Variants in SCFD2 observed in about 807,000 individuals in gnomAD.
SCFD2 encodes the protein sec1 family domain-containing protein 2.
SCFD2 carries 54 observed loss-of-function variants against 58.9 expected under a neutral mutation model. The ratio of observed to expected loss-of-function variants is 0.92; its 90% CI spans 0.74 to 1.15. SCFD2 has a LOEUF of 1.15. SCFD2 is among the 50% of genes most tolerant of loss of function. SCFD2 has a pLI of 0.00. For synonymous variants in SCFD2, 321 were observed against 335.9 expected (o/e 0.96, Z 0.49); for missense variants, 805 against 836.6 (o/e 0.96, Z 0.47).
chr4:52,912,517 A>G (rs1044985843), intron 6 of SCFD2, among the ~76,000 whole-genome samples: 15 of 147,670 alleles, frequency 1.0e-4, no homozygotes, highest in African/African-American at 2.8e-4. Context: ...GAATATGGGG[A>G]AAAAAAAAAC....
In SCFD2 at chr4:53,365,903, T is replaced by A; in HGVS notation, c.39A>T (p.Gly13=). The A allele has an allele frequency of 6.3e-7, 1 of 1,592,408 alleles. No individual in the cohort carries two copies. Residue 13 remains glycine, a synonymous_variant, in exon 1 of 9, where the codon GGA becomes GGT. Coordinates refer to ENST00000401642, the MANE Select transcript of SCFD2 (RefSeq NM_152540.4). This position sits in a 1 kb window ranked among gnomAD's most constrained non-coding sequence, Gnocchi z 4.3. ...TCACTTTGGCCAGCACCTGCTCCCATCCTTGCTGGGTAAAGGACAGTACGC... is the reference window on the plus strand; with the variant it reads ...TCACTTTGGCCAGCACCTGCTCCCAACCTTGCTGGGTAAAGGACAGTACGC... ...ASGVLSFTQQ[G]WEQVLAKVKR... is the part of the protein sequence containing the mutation.
intron 2 of SCFD2, among the ~76,000 whole-genome samples, chr4:53,324,946 C>A (rs1250602224): frequency 1.3e-5 from 2 of 152,088 alleles, no homozygotes; most frequent in Non-Finnish European, 2.9e-5. Context: ...CAAATAAGGC[C>A]TAGGAAAGTA....
intron 4 of SCFD2, among the ~76,000 whole-genome samples, chr4:53,270,861 G>A (rs949001275): frequency 1.3e-5 from 2 of 151,918 alleles, no homozygotes; most frequent in Non-Finnish European, 2.9e-5. Flanking sequence ...CTAAAAACTG[G>A]GGGAAAAAAC....
chr4:52,929,589 G>C (rs763093836), intron 5 of SCFD2, among the ~76,000 whole-genome samples: 1 of 152,150 alleles, frequency 6.6e-6, no homozygotes, highest in Non-Finnish European at 1.5e-5. Flanking sequence ...GAAGCCTGAA[G>C]GAAGGAAAAC....
At chr4:53,155,678 A>G (rs1726657429) in intron 4 of SCFD2, among the ~76,000 whole-genome samples, 1 of 151,118 alleles carries the variant, frequency 6.6e-6, no homozygotes, top group South Asian at 2.1e-4. Flanking sequence ...GAGAAGAAAG[A>G]CACAGAGACA....
At chr4:53,329,317 A>T (rs1733337905) in intron 2 of SCFD2, among the ~76,000 whole-genome samples, 1 of 152,144 alleles carries the variant, frequency 6.6e-6, no homozygotes, top group South Asian at 2.1e-4. Flanking sequence ...AAAAGACAGC[A>T]GTAACCTCTG....
chr4:53,247,467 T>C (rs1730127009), intron 4 of SCFD2, among the ~76,000 whole-genome samples: 1 of 152,150 alleles, frequency 6.6e-6, no homozygotes. Flanking sequence ...TTATTCACAA[T>C]AGCAAAGACA....
intron 4 of SCFD2, among the ~76,000 whole-genome samples, chr4:53,149,890 AC>A (rs1726456402): frequency 6.6e-6 from 1 of 152,168 alleles, no homozygotes; most frequent in Non-Finnish European, 1.5e-5. Flanking sequence ...ATCAGGAAAG[AC>A]CCAAAATCTA....
intron 5 of SCFD2, among the ~76,000 whole-genome samples, chr4:53,057,604 A>T (rs1178268557): frequency 6.6e-6 from 1 of 152,072 alleles, no homozygotes; most frequent in Non-Finnish European, 1.5e-5. Context: ...AGGTGCAGCA[A>T]ACCACCATGG....
At chr4:53,001,769 T>C (rs1312300476) in intron 5 of SCFD2, among the ~76,000 whole-genome samples, 1 of 152,248 alleles carries the variant, frequency 6.6e-6, no homozygotes, top group African/African-American at 2.4e-5. Flanking sequence ...TTACATTTAT[T>C]GCACACCAAG....
intron 5 of SCFD2, chr4:52,950,325 G>T (rs1043116189): frequency 6.6e-6 from 1 of 152,226 alleles, no homozygotes; most frequent in Non-Finnish European, 1.5e-5. Flanking sequence ...GAGTTGGGTG[G>T]TGTTGAATGC....
At chr4:53,062,250 T>C (rs1723535039) in intron 5 of SCFD2, among the ~76,000 whole-genome samples, 1 of 151,768 alleles carries the variant, frequency 6.6e-6, no homozygotes, top group Admixed American at 6.6e-5. Flanking sequence ...TAGGCGCCTG[T>C]AATCCCTGCT....
rs976132947 is a variant in SCFD2, at chr4:52,901,175, C to T, written c.1842+6282G>A. ...CTGCACCCGCTGTCCGGCATTCCCT[C>T]GTGAGATGAACCCGGTACCTCAGTT... On this transcript the variant is annotated intron_variant, in intron 7 of 8. Transcript: ENST00000401642. Among the ~76,000 whole-genome samples, 10 of 152,316 alleles carry T rather than the reference C, an allele frequency of 6.6e-5. 1 individual carries two copies. The South Asian group carries it at 1.0e-3, about 16-fold the overall frequency.
At chr4:53,134,561 T>G (rs1029222320) in intron 5 of SCFD2, among the ~76,000 whole-genome samples, 3 of 152,196 alleles carry the variant, frequency 2.0e-5, no homozygotes, top group Non-Finnish European at 4.4e-5. Flanking sequence ...AATTTATACA[T>G]TTTATGCAAA....
chr4:53,143,703 G>A lies in SCFD2; in HGVS notation c.1561+1630C>T, dbSNP rs1726232514. ...GAAGTCTGGACACTTCTCCCAGAGAGGCCCAACAGAGGACAAGAGGAAAAG... is the reference window on the plus strand; with the variant it reads ...GAAGTCTGGACACTTCTCCCAGAGAAGCCCAACAGAGGACAAGAGGAAAAG... On this transcript the variant is annotated intron_variant, in intron 5 of 8. Coordinates refer to ENST00000401642, the MANE Select transcript of SCFD2 (RefSeq NM_152540.4). Among the ~76,000 whole-genome samples the A allele has an allele frequency of 2.0e-5, 3 of 151,934 alleles. No homozygotes were observed. In the South Asian group the frequency reaches 6.2e-4, roughly 32 times the overall value.
At chr4:52,930,710 C>T (rs1719972706) in intron 5 of SCFD2, among the ~76,000 whole-genome samples, 1 of 152,106 alleles carries the variant, frequency 6.6e-6, no homozygotes, top group Non-Finnish European at 1.5e-5. Flanking sequence ...GTGTGGAGAA[C>T]TATAAAAATA....
chr4:52,881,353 A>T (rs1489465543), intron 8 of SCFD2, among the ~76,000 whole-genome samples: 1 of 152,202 alleles, frequency 6.6e-6, no homozygotes, highest in Non-Finnish European at 1.5e-5. Flanking sequence ...TGCTATCTAA[A>T]GGAAGCTCTT....
intron 4 of SCFD2, among the ~76,000 whole-genome samples, chr4:53,176,237 T>C (rs1193029061): frequency 6.6e-6 from 1 of 152,236 alleles, no homozygotes; most frequent in Non-Finnish European, 1.5e-5. Context: ...CGAATTAAAG[T>C]ATAAGTAAAA....
chr4:53,304,617 G>C (rs757700362), intron 3 of SCFD2, among the ~76,000 whole-genome samples: 5 of 151,588 alleles, frequency 3.3e-5, no homozygotes, highest in Admixed American at 6.6e-5. Flanking sequence ...GATCGATTCA[G>C]CTATTGATAC....
Sources: allele counts gnomAD v4.1 joint callset (sites outside exome capture counted in the v4.1 genomes callset), GRCh38; gene constraint gnomAD v4.1.1; non-coding constraint Gnocchi (gnomAD v3.1); transcripts MANE v1.5; gene names NCBI Gene and HGNC (gene_info 2026-07-23, HGNC 2026-07-21).